Variants in PDE4D observed in about 807,000 individuals in gnomAD.
PDE4D encodes the protein phosphodiesterase 4D.
Under a neutral mutation model 87.4 loss-of-function variants are expected in PDE4D, and 24 were observed. That is an observed-to-expected ratio of 0.27 (90% confidence interval 0.20 to 0.39). The LOEUF is 0.39. Ranked by LOEUF, PDE4D falls within the 10% of genes least tolerant of loss-of-function variation. The pLI, the probability that PDE4D is intolerant of heterozygous loss-of-function variation, is 1.00. For synonymous variants in PDE4D, 384 were observed against 383.2 expected, an observed-to-expected ratio of 1.00 and a Z score of -0.02; for missense variants, 714 against 1,041.0, an observed-to-expected ratio of 0.69 and a Z score of 4.32.
intron 6 of PDE4D, among the ~76,000 whole-genome samples, chr5:59,038,036 T>C (rs1234661891): frequency 6.6e-6 from 1 of 152,140 alleles, no homozygotes; most frequent in Non-Finnish European, 1.5e-5. Context: ...CACAGGCAAA[T>C]AGCCACTAAA....
At chr5:60,337,360 T>A (rs1040165909) in intron 1 of PDE4D, among the ~76,000 whole-genome samples, 47 of 99,320 alleles carry the variant, frequency 4.7e-4, no homozygotes, top group East Asian at 2.3e-3. Context: ...ACTATATATA[T>A]ATATATATAT....
intron 2 of PDE4D, among the ~76,000 whole-genome samples, chr5:60,106,817 A>G (rs1221879725): frequency 6.6e-6 from 1 of 152,106 alleles, no homozygotes; most frequent in Non-Finnish European, 1.5e-5. Flanking sequence ...CAACGAGAAC[A>G]AAGACACAAC....
intron 1 of PDE4D, among the ~76,000 whole-genome samples, chr5:59,260,617 C>T (rs1761825289): frequency 6.6e-6 from 1 of 151,530 alleles, no homozygotes; most frequent in Admixed American, 6.6e-5. Flanking sequence ...AAGAAATGAT[C>T]CATGGGAAAT....
intron 5 of PDE4D, among the ~76,000 whole-genome samples, chr5:59,141,662 C>A (rs1372320162): frequency 6.6e-6 from 1 of 152,070 alleles, no homozygotes; most frequent in Non-Finnish European, 1.5e-5. Context: ...TTTTTAAATG[C>A]TAAATGAAAT....
At chr5:60,165,918 C>T (rs2910831) in intron 2 of PDE4D, among the ~76,000 whole-genome samples, 91,677 of 151,394 alleles carry the variant, frequency 0.61, 28,284 homozygotes, top group Admixed American at 0.64. Context: ...ATTTTGTTCA[C>T]TGTTTTCTAG....
Position 60,399,584 on chromosome 5 carries a change from C to A in PDE4D, c.-90+88358G>T, listed in dbSNP as rs181381384. On this transcript the variant is annotated intron_variant, in intron 1 of 16. Coordinates refer to the PDE4D transcript ENST00000502484. ...GTCATAGACAATGATATACATCCATCCTGGGGCTTCAAATCCGGGGCCAGT... is the reference window on the plus strand; with the variant it reads ...GTCATAGACAATGATATACATCCATACTGGGGCTTCAAATCCGGGGCCAGT... Among the ~76,000 whole-genome samples, 597 of 152,346 alleles carry A rather than the reference C, an allele frequency of 3.9e-3. 4 individuals are homozygous for A. The highest frequency in any genetic ancestry group is 0.014 in the African/African-American group (586 of 41,584).
chr5:60,182,241 A>T (rs1344457934), intron 2 of PDE4D, among the ~76,000 whole-genome samples: 2 of 152,238 alleles, frequency 1.3e-5, no homozygotes, highest in Non-Finnish European at 2.9e-5. Flanking sequence ...TTCAAAAATC[A>T]TTGGTAAGAA....
chr5:59,006,636 T>C (rs2153359547), intron 6 of PDE4D, among the ~76,000 whole-genome samples: 1 of 152,292 alleles, frequency 6.6e-6, no homozygotes, highest in East Asian at 1.9e-4. Flanking sequence ...TTTCAGACTT[T>C]TCCTAGAAAT....
intron 1 of PDE4D, among the ~76,000 whole-genome samples, chr5:60,418,298 T>A (rs1258567425): frequency 6.6e-6 from 1 of 152,202 alleles, no homozygotes; most frequent in East Asian, 1.9e-4. Flanking sequence ...CTAGCATATG[T>A]TATATCCCTA....
At chr5:59,017,602 G>C (rs537768060) in intron 6 of PDE4D, among the ~76,000 whole-genome samples, 1 of 152,272 alleles carries the variant, frequency 6.6e-6, no homozygotes, top group African/African-American at 2.4e-5. Flanking sequence ...TTTTGAATAA[G>C]TAGTAACTTT....
intron 1 of PDE4D, among the ~76,000 whole-genome samples, chr5:59,389,823 T>C (rs1787878960): frequency 6.6e-6 from 1 of 151,766 alleles, no homozygotes; most frequent in Non-Finnish European, 1.5e-5. Flanking sequence ...AGGTAGAGAG[T>C]AGAATGATGG....
At chr5:60,018,295 A>C (rs1038342225) in intron 2 of PDE4D, among the ~76,000 whole-genome samples, 2 of 152,186 alleles carry the variant, frequency 1.3e-5, no homozygotes, top group Non-Finnish European at 2.9e-5. Context: ...GCAAATGATG[A>C]GGGAATTAGT....
At chr5:59,045,260 G>A (rs1760414882) in intron 5 of PDE4D, among the ~76,000 whole-genome samples, 2 of 152,168 alleles carry the variant, frequency 1.3e-5, no homozygotes, top group Non-Finnish European at 1.5e-5. Flanking sequence ...TGATGAACAA[G>A]ATGTCTGTGT....
chr5:59,545,139 G>T (rs1203427208), intron 1 of PDE4D, among the ~76,000 whole-genome samples: 1 of 152,114 alleles, frequency 6.6e-6, no homozygotes, highest in East Asian at 1.9e-4. Context: ...ATTTTGTGGG[G>T]TAACTTTTAT....
At chr5:59,232,107 A>G (rs1240006689) in intron 1 of PDE4D, among the ~76,000 whole-genome samples, 3 of 152,190 alleles carry the variant, frequency 2.0e-5, no homozygotes, top group Non-Finnish European at 4.4e-5. Context: ...CAGAAGTACC[A>G]GATCGAAATA....
At chr5:60,397,507 G>A (rs1373754121) in intron 1 of PDE4D, among the ~76,000 whole-genome samples, 2 of 152,180 alleles carry the variant, frequency 1.3e-5, no homozygotes, top group Non-Finnish European at 2.9e-5. Flanking sequence ...GAATCTGGAG[G>A]ACATCATATT....
chr5:59,737,974 G>C (rs564978332), intron 1 of PDE4D, among the ~76,000 whole-genome samples: 1 of 152,190 alleles, frequency 6.6e-6, no homozygotes, highest in East Asian at 1.9e-4. Context: ...AAAATATGCA[G>C]AGCCCTATTT....
At chr5:59,473,527 A>C (rs1802807131) in intron 1 of PDE4D, among the ~76,000 whole-genome samples, 1 of 151,754 alleles carries the variant, frequency 6.6e-6, no homozygotes, top group Admixed American at 6.6e-5. Context: ...TTTGATCAAT[A>C]ATTCTTTTAT....
chr5:60,078,220 G>A (rs1279323225), intron 2 of PDE4D, among the ~76,000 whole-genome samples: 2 of 152,120 alleles, frequency 1.3e-5, no homozygotes, highest in African/African-American at 2.4e-5. Context: ...TAGGTTCTGT[G>A]GAGATAGGCT....
Sources: gnomAD v4.1 joint callset for allele counts (sites outside exome capture counted in the v4.1 genomes callset) on GRCh38, gnomAD v4.1.1 for gene constraint, MANE v1.5 for transcripts, NCBI Gene and HGNC (gene_info 2026-07-23, HGNC 2026-07-21) for gene names.